Variants in FUBP3 observed in about 807,000 individuals in gnomAD.
FUBP3 encodes the protein far upstream element binding protein 3, also known as far upstream element-binding protein 3.
A neutral mutation model predicts 85.6 loss-of-function variants in FUBP3; 28 were observed. The observed-to-expected ratio is 0.33, with a 90% CI of 0.24 to 0.45. The LOEUF (loss-of-function observed/expected upper bound fraction) is 0.45. Ranked by LOEUF, FUBP3 falls within the 20% of genes least tolerant of loss-of-function variation. FUBP3 has a pLI of 1.00. For missense variants in FUBP3, 583 were observed against 755.1 expected (o/e 0.77, Z 2.67); for synonymous variants, 271 against 271.4 (o/e 1.00, Z 0.01).
At position 130,579,746 on chromosome 9, in the gene FUBP3, C is replaced by T. The variant is rs1830048701; in HGVS notation, c.66C>T (p.Ala22=). ...TGAAGGCCGAGGGCTTCGTGGATGCCCTGCACCGGGTCCGGCAGGTACGGG... is the reference window on the plus strand; with the variant it reads ...TGAAGGCCGAGGGCTTCGTGGATGCTCTGCACCGGGTCCGGCAGGTACGGG... ...VGMKAEGFVD[A]LHRVRQIAAK... Residue 22 remains alanine (A), a synonymous_variant, in exon 1 of 19, where the codon GCC becomes GCT. Transcript: ENST00000319725. 2 of 1,281,326 alleles carry T rather than the reference C, an allele frequency of 1.6e-6. No homozygotes were observed. The highest frequency in any genetic ancestry group is 5.8e-5 in the East Asian group (2 of 34,532). 79.4% of individuals were successfully genotyped at this position (1,281,326 alleles called of 1,614,324 possible).
chr9:130,601,611 T>G (rs1831157250), intron 2 of FUBP3, among the ~76,000 whole-genome samples: 2 of 152,054 alleles, frequency 1.3e-5, no homozygotes, highest in South Asian at 4.2e-4. Context: ...GTAGCACCTT[T>G]TTTTTTGTCC....
At chr9:130,630,956 G>A (rs1335446951) in intron 13 of FUBP3, among the ~76,000 whole-genome samples, 168 bp downstream of exon 13, 1 of 152,172 alleles carries the variant, frequency 6.6e-6, no homozygotes, top group Non-Finnish European at 1.5e-5. Flanking sequence ...CGGAGACCCA[G>A]GGAGTGCCAG....
intron 1 of FUBP3, among the ~76,000 whole-genome samples, chr9:130,585,139 G>A (rs1315349064): frequency 2.6e-5 from 4 of 152,210 alleles, no homozygotes; most frequent in East Asian, 1.9e-4. Context: ...CAGCCTGGGC[G>A]ACAAAGTGAG....
intron 2 of FUBP3, chr9:130,596,591 G>A (rs751068014): frequency 5.3e-6 from 2 of 375,984 alleles, no homozygotes; most frequent in Non-Finnish European, 1.1e-5. Context: ...TGAACTCCTG[G>A]GCTCGAGTGA....
At chr9:130,628,456 A>G (rs1403675370) in intron 12 of FUBP3, among the ~76,000 whole-genome samples, 1 of 152,224 alleles carries the variant, frequency 6.6e-6, no homozygotes, top group African/African-American at 2.4e-5. Flanking sequence ...GAGTCTATAG[A>G]CAGCCACCAT....
chr9:130,604,773 C>T (rs1831335691), intron 2 of FUBP3, among the ~76,000 whole-genome samples: 1 of 152,050 alleles, frequency 6.6e-6, no homozygotes, highest in African/African-American at 2.4e-5. Context: ...TGGTGCGCGC[C>T]TTTAGTCCCA....
rs1161944677 is a variant in FUBP3 at position 130,626,041 on chromosome 9, A to T, written c.976-323A>T. 2.0e-5 allele frequency among the ~76,000 whole-genome samples: 3 copies of T among 152,102 alleles called. No individual in the cohort carries two copies. The East Asian group carries it at 5.8e-4, about 29-fold the overall frequency. On this transcript the variant is annotated intron_variant, in intron 11 of 18. Transcript: ENST00000319725. ...AGAAAGCAGTTCTTGATGCCTGTAGATCGGGGCCCAGTGAGGAAAGCTCCA... is the reference window on the plus strand; with the variant it reads ...AGAAAGCAGTTCTTGATGCCTGTAGTTCGGGGCCCAGTGAGGAAAGCTCCA...
At chr9:130,601,897 G>T (rs977263383) in intron 2 of FUBP3, among the ~76,000 whole-genome samples, 23 of 144,422 alleles carry the variant, frequency 1.6e-4, no homozygotes, top group Non-Finnish European at 8.9e-5. Flanking sequence ...TGCCTCCCAG[G>T]TTCAAGTGAT....
intron 1 of FUBP3, among the ~76,000 whole-genome samples, chr9:130,589,951 A>G (rs1379521172): frequency 1.3e-5 from 2 of 148,714 alleles, no homozygotes; most frequent in African/African-American, 2.5e-5. Flanking sequence ...TTTGGGCTCA[A>G]ACGATCCTCC....
chr9:130,587,457 G>C (rs1229691541), intron 1 of FUBP3, among the ~76,000 whole-genome samples: 5 of 152,168 alleles, frequency 3.3e-5, no homozygotes, highest in Admixed American at 6.5e-5. Context: ...AGGGCCTTTG[G>C]TGGGAGTGAC....
chr9:130,636,217 C>T (rs1830412780), intron 18 of FUBP3, 91 bp downstream of exon 18: 6 of 1,332,026 alleles, frequency 4.5e-6, no homozygotes, highest in African/African-American at 2.9e-5. Flanking sequence ...AGGATGAGAG[C>T]GCTGGGCTAG....
intron 1 of FUBP3, among the ~76,000 whole-genome samples, chr9:130,594,577 C>T (rs553397529): frequency 1.0e-3 from 154 of 152,002 alleles, no homozygotes; most frequent in Admixed American, 2.4e-3. Flanking sequence ...GAGCAAAACT[C>T]CATATCAAAA....
intron 1 of FUBP3, among the ~76,000 whole-genome samples, chr9:130,586,240 C>A (rs964251566): frequency 2.0e-5 from 3 of 152,258 alleles, no homozygotes; most frequent in Admixed American, 2.0e-4. Flanking sequence ...ATTTAGATTA[C>A]TTACCATTAA....
In FUBP3 at chr9:130,618,583, G is replaced by A. The variant is rs112831057; in HGVS notation, c.666+688G>A. 8.7e-4 allele frequency among the ~76,000 whole-genome samples: 133 copies of A among 152,342 alleles called. 1 individual carries two copies. Among genetic ancestry groups the A allele is most frequent in the Middle Eastern group, 6.8e-3 (2 of 294 alleles). On this transcript the variant is annotated intron_variant, in intron 8 of 18. Transcript: ENST00000319725. ...GCTAGTAGCAGGAATTCAAGTGGGCGGAGGGTGTAGGGTTTTTGTCTGTCC... is the reference window on the plus strand; with the variant it reads ...GCTAGTAGCAGGAATTCAAGTGGGCAGAGGGTGTAGGGTTTTTGTCTGTCC...
chr9:130,602,798 G>A (rs1383853707), intron 2 of FUBP3, among the ~76,000 whole-genome samples: 1 of 152,120 alleles, frequency 6.6e-6, no homozygotes, highest in Admixed American at 6.5e-5. Flanking sequence ...CAGGGGCGGT[G>A]GACATGGGCA....
intron 12 of FUBP3, among the ~76,000 whole-genome samples, chr9:130,627,095 C>T (rs1352706595): frequency 1.3e-5 from 2 of 152,348 alleles, no homozygotes; most frequent in African/African-American, 4.8e-5. Flanking sequence ...TTCATGGCTA[C>T]TGTAGCTCCT....
At chr9:130,605,176 G>A (rs1831358486) in intron 2 of FUBP3, among the ~76,000 whole-genome samples, 1 of 152,052 alleles carries the variant, frequency 6.6e-6, no homozygotes, top group African/African-American at 2.4e-5. Flanking sequence ...TTTCCTCTTA[G>A]GCTCTTGAGG....
chr9:130,590,038 T>A, intron 1 of FUBP3, among the ~76,000 whole-genome samples: 1 of 136,780 alleles, frequency 7.3e-6, no homozygotes, highest in Non-Finnish European at 1.6e-5. Context: ...TTTTTTTTTT[T>A]TTTTTTTTTT....
intron 5 of FUBP3, 68 bp from the exon 6 acceptor site, chr9:130,614,219 CT>C (rs1253896751): frequency 9.3e-6 from 9 of 970,968 alleles, no homozygotes; most frequent in Non-Finnish European, 1.3e-5. Flanking sequence ...CCTAGAGAGC[CT>C]TACAGAGGCA....
Sources: gnomAD v4.1 joint callset for allele counts (sites outside exome capture counted in the v4.1 genomes callset) on GRCh38, gnomAD v4.1.1 for gene constraint, MANE v1.5 for transcripts, NCBI Gene and HGNC (gene_info 2026-07-23, HGNC 2026-07-21) for gene names.